PTPRT: variants seen among roughly 807,000 people sequenced by gnomAD.
PTPRT encodes the protein protein tyrosine phosphatase receptor type T.
In PTPRT, 56 loss-of-function variants were observed where a neutral mutation model predicts 176.8. That is an observed-to-expected ratio of 0.32 (90% CI 0.26 to 0.40). PTPRT has a LOEUF of 0.40. Ranked by LOEUF, PTPRT falls within the 10% of genes least tolerant of loss-of-function variation. The pLI, the probability that PTPRT is intolerant of heterozygous loss-of-function variation, is 1.00. For synonymous variants in PTPRT, 783 were observed against 739.0 expected, an observed-to-expected ratio of 1.06 and a Z score of -0.96; for missense variants, 1,540 against 1,908.2, an observed-to-expected ratio of 0.81 and a Z score of 3.60.
At chr20:42,479,822 A>G (rs2071354662) in intron 7 of PTPRT, among the ~76,000 whole-genome samples, 1 of 152,204 alleles carries the variant, frequency 6.6e-6, no homozygotes. Flanking sequence ...AATCTGAAAC[A>G]TTTCTGGTTC....
chr20:42,212,339 A>G (rs1268435560), intron 15 of PTPRT, among the ~76,000 whole-genome samples: 2 of 149,818 alleles, frequency 1.3e-5, no homozygotes, highest in East Asian at 3.9e-4. Context: ...AAAGAGTTCA[A>G]TGTGTTGGGA....
In PTPRT at chr20:43,055,815, T is replaced by C. The variant is rs561983764; in HGVS notation, c.88+133831A>G. ...CATTTACAATAGCAGTTGTACTGTG[T>C]GATCCCCAAGATGCTTAGGTTTCCC... On this transcript the variant is annotated intron_variant, in intron 1 of 30. Transcript: ENST00000373187. Among the ~76,000 whole-genome samples the C allele has an allele frequency of 2.6e-5, 4 of 152,308 alleles. No individual in the cohort carries two copies. The East Asian group carries it at 7.7e-4, about 29-fold the overall frequency.
At chr20:42,422,336 A>T in intron 9 of PTPRT, among the ~76,000 whole-genome samples, 1 of 152,254 alleles carries the variant, frequency 6.6e-6, no homozygotes, top group East Asian at 1.9e-4. Context: ...AGCATCTATA[A>T]GAAACTGAAG....
intron 16 of PTPRT, among the ~76,000 whole-genome samples, chr20:42,176,963 A>T (rs914575462): frequency 2.0e-5 from 3 of 152,240 alleles, no homozygotes; most frequent in Admixed American, 6.5e-5. Context: ...TATGAACTAC[A>T]AAGACAACGG....
chr20:42,669,572 T>C (rs1023607618), intron 7 of PTPRT, among the ~76,000 whole-genome samples: 1 of 152,212 alleles, frequency 6.6e-6, no homozygotes, highest in Non-Finnish European at 1.5e-5. Flanking sequence ...CCCTAAGAGT[T>C]AGGCCAAGTT....
At chr20:42,906,867 A>G (rs2079485461) in intron 1 of PTPRT, among the ~76,000 whole-genome samples, 2 of 140,278 alleles carry the variant, frequency 1.4e-5, no homozygotes, top group South Asian at 4.4e-4. Flanking sequence ...TCTAATCTGG[A>G]AAAAAAAAAA....
chr20:42,205,498 A>G (rs776097237), intron 15 of PTPRT, among the ~76,000 whole-genome samples: 2 of 152,180 alleles, frequency 1.3e-5, no homozygotes, highest in Admixed American at 6.5e-5. Flanking sequence ...AAGTTCAAGT[A>G]GAGACTGGGA....
chr20:42,766,936 C>T (rs184114346), intron 5 of PTPRT, among the ~76,000 whole-genome samples: 26 of 152,278 alleles, frequency 1.7e-4, no homozygotes, highest in Admixed American at 1.0e-3. Flanking sequence ...CCATGATGGG[C>T]CTGTTTCATT....
intron 1 of PTPRT, among the ~76,000 whole-genome samples, chr20:43,004,136 A>G (rs2146135973): frequency 6.6e-6 from 1 of 151,282 alleles, no homozygotes; most frequent in Admixed American, 6.6e-5. Context: ...AAAAATCTGT[A>G]TTGCAAAAAA....
intron 7 of PTPRT, among the ~76,000 whole-genome samples, chr20:42,623,314 G>A (rs1267095615): frequency 1.3e-5 from 2 of 152,170 alleles, no homozygotes; most frequent in African/African-American, 4.8e-5. Context: ...ACAACCAGGG[G>A]GCCAGAGGCC....
At chr20:42,949,198 G>A (rs1317186446) in intron 1 of PTPRT, among the ~76,000 whole-genome samples, 3 of 152,216 alleles carry the variant, frequency 2.0e-5, no homozygotes, top group Admixed American at 1.3e-4. Flanking sequence ...GCTAAGGGCT[G>A]AGCTAGGGCC....
At chr20:42,208,954 C>T (rs2055545863) in intron 15 of PTPRT, among the ~76,000 whole-genome samples, 1 of 152,210 alleles carries the variant, frequency 6.6e-6, no homozygotes, top group Non-Finnish European at 1.5e-5. Context: ...ATCTCTCAGA[C>T]CACAGTGCAA....
chr20:42,498,290 T>C lies in PTPRT; in HGVS notation c.1154-25728A>G, dbSNP rs184883881. On this transcript the variant is annotated intron_variant, in intron 7 of 30. Coordinates refer to ENST00000373187, the MANE Select transcript of PTPRT (RefSeq NM_007050.6). The stretch of plus-strand genomic sequence containing the variant: ...CCCCCAAAACCTGAAAATAAACTAG[T>C]TCAGGAAGGCAGGGGGCAGGGGCGG... Among the ~76,000 whole-genome samples the C allele has an allele frequency of 3.0e-3, 464 of 152,174 alleles. 3 individuals are homozygous for C. Among genetic ancestry groups the C allele is most frequent in the African/African-American group, 0.01 (428 of 41,516 alleles).
At chr20:42,599,966 A>G (rs1387039598) in intron 7 of PTPRT, among the ~76,000 whole-genome samples, 1 of 152,014 alleles carries the variant, frequency 6.6e-6, no homozygotes, top group Non-Finnish European at 1.5e-5. Flanking sequence ...TAAGCTTACT[A>G]CATCACTCTT....
chr20:42,144,376 G>A (rs898573867), intron 17 of PTPRT, among the ~76,000 whole-genome samples: 6 of 152,120 alleles, frequency 3.9e-5, no homozygotes, highest in African/African-American at 7.2e-5. Context: ...TGGCAGCCAC[G>A]TTGGAGATGT....
intron 9 of PTPRT, among the ~76,000 whole-genome samples, chr20:42,438,662 T>C (rs909533134): frequency 1.2e-4 from 19 of 152,174 alleles, no homozygotes; most frequent in African/African-American, 9.7e-5. Context: ...AAGACAAGCA[T>C]ACTTATTCAC....
In PTPRT at chr20:42,464,364, T is replaced by C. The variant is rs141828871; in HGVS notation, c.1450+7902A>G. ...AAGAGAGATAATAAAGTAATCAATA[T>C]ACAGCATGAGGTAGAGAAAAATAAA... On this transcript the variant is annotated intron_variant, in intron 8 of 30. Coordinates refer to ENST00000373187, the MANE Select transcript of PTPRT (RefSeq NM_007050.6). Among the ~76,000 whole-genome samples, 730 of 152,298 alleles carry C rather than the reference T, an allele frequency of 4.8e-3. 3 individuals carry two copies. Among genetic ancestry groups the C allele is most frequent in the African/African-American group, 0.017 (693 of 41,578 alleles).
At chr20:42,871,537 T>C (rs2078846427) in intron 2 of PTPRT, among the ~76,000 whole-genome samples, 1 of 152,196 alleles carries the variant, frequency 6.6e-6, no homozygotes. Context: ...TGGTGTTATA[T>C]CCAAGAAATC....
At chr20:42,184,574 T>TTCTTCTTCTTCTTCTTCTTCTTCC (rs1990673576) in intron 16 of PTPRT, among the ~76,000 whole-genome samples, 6 of 138,570 alleles carry the variant, frequency 4.3e-5, no homozygotes, top group African/African-American at 1.7e-4. Flanking sequence ...CTTCTTCTTC[T>TTCTTCTTCTTCTTCTTCTTCTTCC]TCTTCTTCTT....
Sources: gnomAD v4.1 joint callset for allele counts (sites outside exome capture counted in the v4.1 genomes callset) on GRCh38, gnomAD v4.1.1 for gene constraint, MANE v1.5 for transcripts, NCBI Gene and HGNC (gene_info 2026-07-23, HGNC 2026-07-21) for gene names.